The following JARID2 variants were observed in gnomAD, a reference collection of about 807,000 sequenced individuals.
JARID2 encodes protein Jumonji.
Under a neutral mutation model 125.6 loss-of-function variants are expected in JARID2, and 21 were observed. That is an observed-to-expected ratio of 0.17 (90% CI 0.12 to 0.24). The LOEUF is 0.24. Ranked by LOEUF, JARID2 falls within the 10% of genes least tolerant of loss-of-function variation. JARID2 has a pLI of 1.00. For synonymous variants in JARID2, 736 were observed against 661.6 expected (o/e 1.11, Z -1.73); for missense variants, 1,303 against 1,639.6 (o/e 0.79, Z 3.55).
chr6:15,498,536 T>C (rs1770575139), intron 7 of JARID2, among the ~76,000 whole-genome samples: 1 of 152,118 alleles, frequency 6.6e-6, no homozygotes, highest in South Asian at 2.1e-4. Context: ...ACCCCATCAG[T>C]CTAGACCCAT....
intron 6 of JARID2, among the ~76,000 whole-genome samples, chr6:15,493,945 C>T (rs1189894174): frequency 6.6e-6 from 1 of 152,042 alleles, no homozygotes; most frequent in Non-Finnish European, 1.5e-5. Context: ...AAGGGTTTCG[C>T]ATTATTTATT....
chr6:15,329,685 G>A (rs1229110512), intron 1 of JARID2, among the ~76,000 whole-genome samples: 1 of 152,226 alleles, frequency 6.6e-6, no homozygotes, highest in Non-Finnish European at 1.5e-5. Flanking sequence ...CTAGACTGCT[G>A]ACAGAGTTCT....
chr6:15,379,068 T>G (rs1052795547), intron 2 of JARID2, among the ~76,000 whole-genome samples: 1 of 152,114 alleles, frequency 6.6e-6, no homozygotes, highest in Non-Finnish European at 1.5e-5. Context: ...AGTAATAACC[T>G]AAGCAGACAT....
At chr6:15,495,993 A>G (rs758988809) in intron 6 of JARID2, 139 bp from the exon 7 acceptor site, 1 of 714,288 alleles carries the variant, frequency 1.4e-6, no homozygotes, top group Non-Finnish European at 2.4e-6. Flanking sequence ...GTATTTCCAC[A>G]TCTCTTCTTA....
intron 1 of JARID2, among the ~76,000 whole-genome samples, chr6:15,286,042 T>C (rs1274539352): frequency 1.3e-5 from 2 of 152,178 alleles, no homozygotes; most frequent in African/African-American, 4.8e-5. Flanking sequence ...CAGTGTTTCC[T>C]TTTTCTTGTT....
chr6:15,334,588 G>A lies in JARID2; in HGVS notation c.46-39529G>A, dbSNP rs566020954. 5.3e-5 allele frequency among the ~76,000 whole-genome samples: 8 copies of A among 152,184 alleles called. No homozygotes were observed. The East Asian group carries it at 1.5e-3, about 29-fold the overall frequency. On this transcript the variant is annotated intron_variant, in intron 1 of 17. Transcript: ENST00000341776. ...CTTTTACCATGTGCTTGCTCCTTTT[G>A]CTGTTTTCCATTGCGCTTTGGGGTA...
chr6:15,498,145 A>AT (rs1196365277), intron 7 of JARID2, among the ~76,000 whole-genome samples: 3 of 152,114 alleles, frequency 2.0e-5, no homozygotes, highest in Non-Finnish European at 2.9e-5. Flanking sequence ...CCTGTAGGCC[A>AT]TTTTTTATCC....
intron 1 of JARID2, among the ~76,000 whole-genome samples, chr6:15,352,762 T>C (rs1156890166): frequency 6.6e-6 from 1 of 152,174 alleles, no homozygotes; most frequent in Non-Finnish European, 1.5e-5. Context: ...CAGACATGAC[T>C]GTAAGTCTAA....
rs116540196 is a variant in JARID2 at position 15,389,944 on chromosome 6, A to G, written c.181+15692A>G. 4.3e-3 allele frequency among the ~76,000 whole-genome samples: 659 copies of G among 152,288 alleles called. 8 individuals carry two copies. Among genetic ancestry groups the G allele is most frequent in the South Asian group, 0.034 (163 of 4,818 alleles). ...GTGCAGCAATTTACAGTGTATTTCT[A>G]TTTTTAACTGGAGAGACTTTTTTCC... On this transcript the variant is annotated intron_variant, in intron 2 of 17. Coordinates refer to ENST00000341776, the MANE Select transcript of JARID2 (RefSeq NM_004973.4).
At chr6:15,406,527 T>G (rs932504680) in intron 2 of JARID2, among the ~76,000 whole-genome samples, 3 of 152,194 alleles carry the variant, frequency 2.0e-5, no homozygotes, top group African/African-American at 7.2e-5. Context: ...AACATGAATG[T>G]GATTCTCTTC....
intron 4 of JARID2, among the ~76,000 whole-genome samples, chr6:15,464,915 C>T (rs189687867): frequency 2.0e-5 from 3 of 152,264 alleles, no homozygotes; most frequent in Non-Finnish European, 4.4e-5. Context: ...TTCTTTCTTA[C>T]CTCTGACTTC....
At chr6:15,372,726 T>G (rs1364520088) in intron 1 of JARID2, among the ~76,000 whole-genome samples, 1 of 152,136 alleles carries the variant, frequency 6.6e-6, no homozygotes. Context: ...ATTTTTTTTT[T>G]TGAGACTGAG....
chr6:15,416,008 C>A (rs967838553), intron 3 of JARID2, among the ~76,000 whole-genome samples: 7 of 149,762 alleles, frequency 4.7e-5, no homozygotes, highest in East Asian at 2.0e-4. Flanking sequence ...ACCTCCCAGA[C>A]GGGGTCATGG....
At chr6:15,355,533 A>G (rs1257597632) in intron 1 of JARID2, among the ~76,000 whole-genome samples, 2 of 152,054 alleles carry the variant, frequency 1.3e-5, no homozygotes, top group Non-Finnish European at 2.9e-5. Context: ...AAAAAATCAC[A>G]TAAGATTCAC....
rs776971778 is a variant in JARID2, at chr6:15,496,819, T to A, written c.1594T>A (p.Ser532Thr). Residue 532 changes from serine (S) to threonine (T), a missense_variant, in exon 7 of 18, where the codon TCC becomes ACC. Physicochemically the swap from Ser to Thr is moderately conservative, Grantham distance 58. Coordinates refer to ENST00000341776, the MANE Select transcript of JARID2 (RefSeq NM_004973.4). ...CENRSTSQPESVHKPQDSGKA... is the reference protein window; with the variant it reads ...CENRSTSQPETVHKPQDSGKA... ...AAATCGTTCTACCTCGCAACCGGAG[T>A]CCGTGCACAAGCCGCAGGACTCGGG... The A allele has an allele frequency of 8.1e-6, 13 of 1,603,724 alleles. No homozygotes were observed. The South Asian group carries it at 1.3e-4, about 17-fold the overall frequency.
chr6:15,486,612 T>C (rs1411205336), intron 5 of JARID2, among the ~76,000 whole-genome samples: 2 of 152,222 alleles, frequency 1.3e-5, no homozygotes, highest in African/African-American at 2.4e-5. Context: ...TAGGAAGCAC[T>C]TAAGAAATAC....
chr6:15,248,388 T>A (rs1046595279), intron 1 of JARID2: 2 of 106,198 alleles, frequency 1.9e-5, no homozygotes, highest in African/African-American at 7.0e-5. Flanking sequence ...GGCGCGGGGG[T>A]GGCGCGGCCT....
intron 5 of JARID2, among the ~76,000 whole-genome samples, chr6:15,485,762 A>C (rs1769836286): frequency 6.6e-6 from 1 of 152,246 alleles, no homozygotes; most frequent in Admixed American, 6.5e-5. Flanking sequence ...ACGGCAAAAG[A>C]GGACAGTATT....
At chr6:15,247,162 T>C (rs12530202) in intron 1 of JARID2, among the ~76,000 whole-genome samples, 19,149 of 152,208 alleles carry the variant, frequency 0.13, 1,320 homozygotes, top group Admixed American at 0.22. Flanking sequence ...GGATTGACTT[T>C]AATAATGAGG....
Sources: gnomAD v4.1 joint callset for allele counts (sites outside exome capture counted in the v4.1 genomes callset) on GRCh38, gnomAD v4.1.1 for gene constraint, MANE v1.5 for transcripts, NCBI Gene and HGNC (gene_info 2026-07-23, HGNC 2026-07-21) for gene names.